The following TMEM92 variants were observed in gnomAD, a reference collection of about 807,000 sequenced individuals.
The protein encoded by TMEM92 is transmembrane protein 92.
In TMEM92, 15 loss-of-function variants were observed where a neutral mutation model predicts 14.6. The ratio of observed to expected loss-of-function variants is 1.03; its 90% CI spans 0.69 to 1.58. The LOEUF is 1.58. Ranked by LOEUF, TMEM92 falls within the 40% of genes most tolerant of loss-of-function variation. The probability of loss-of-function intolerance (pLI) is 0.00; values close to 1 mark genes in which losing one functional copy is unlikely to be tolerated. For missense variants in TMEM92, 174 were observed against 202.4 expected (o/e 0.86, Z 0.85); for synonymous variants, 85 against 83.3 (o/e 1.02, Z -0.11).
Position 50,278,968 on chromosome 17 carries a change from T to C in TMEM92, c.338T>C (p.Leu113Pro), listed in dbSNP as rs767790935. The part of the protein sequence containing the change: ...IIPPERVRVS[L>P]SAPPPPYSEV... ...CCCCCAGAGAGGGTCAGAGTATCCC[T>C]TTCTGCGCCCCCACCCCCCTACAGT... The change falls in exon 4 of 5, where the codon CTT becomes CCT. Residue 113 changes from leucine (L) to proline (P), a missense_variant. Leu to Pro is a moderately conservative substitution (Grantham distance 98). Coordinates refer to ENST00000507382, the MANE Select transcript of TMEM92 (RefSeq NM_153229.3). 6.2e-7 allele frequency: 1 copy of C among 1,609,078 alleles called. No individual in the cohort carries two copies. Among genetic ancestry groups the C allele is most frequent in the Admixed American group, 1.7e-5 (1 of 59,224 alleles).
rs368392137 is a variant in TMEM92 at position 50,279,327 on chromosome 17, T to C, written c.*19T>C. On this transcript the variant is annotated 3_prime_UTR_variant, in exon 5 of 5. Transcript: ENST00000507382. ...CTTCTGAGTCACCTCCTGCCTGGAATCTTGCCATCAGCAACCTCCTCCCCA... is the reference window on the plus strand; with the variant it reads ...CTTCTGAGTCACCTCCTGCCTGGAACCTTGCCATCAGCAACCTCCTCCCCA... 32 of 1,609,174 alleles carry C rather than the reference T, an allele frequency of 2.0e-5. No homozygotes were observed. The highest frequency in any genetic ancestry group is 1.5e-4 in the African/African-American group (11 of 74,912).
At chr17:50,278,528 C>G (rs187097149) in intron 2 of TMEM92, 28 bp from the exon 3 acceptor site, 285 of 1,612,792 alleles carry the variant, frequency 1.8e-4, no homozygotes, top group Non-Finnish European at 1.6e-4. Flanking sequence ...GCAACTTCTC[C>G]TTGCCCTTTT....
At chr17:50,276,466 A>C (rs1009846605) in intron 1 of TMEM92, among the ~76,000 whole-genome samples, 1 of 152,232 alleles carries the variant, frequency 6.6e-6, no homozygotes, top group African/African-American at 2.4e-5. Context: ...CTTATTGGCT[A>C]TCACTGGTAT....
intron 1 of TMEM92, 64 bp downstream of exon 1, chr17:50,274,634 T>G: frequency 7.0e-7 from 1 of 1,435,440 alleles, no homozygotes; most frequent in Non-Finnish European, 9.6e-7. Flanking sequence ...GGAGCCTGCT[T>G]CTGGAGCCTG....
chr17:50,274,571 G>A lies in TMEM92; in HGVS notation c.69+1G>A. 1 of 1,613,302 alleles carries A rather than the reference G, an allele frequency of 6.2e-7. No homozygotes were observed. Reference sequence around the variant, plus strand: ...CAGCCTGCTGGCTGGCCCCCAAAAGGTGAGACTGGGAGGTAAGGTTGTTGA... The same window carrying A: ...CAGCCTGCTGGCTGGCCCCCAAAAGATGAGACTGGGAGGTAAGGTTGTTGA... On this transcript the variant is annotated splice_donor_variant, in intron 1 of 4. Transcript: ENST00000507382. LOFTEE classifies it high-confidence loss of function.
rs1910614344 is a variant in TMEM92, at chr17:50,281,350, G to C, written c.*2042G>C. 1.3e-5 allele frequency: 2 copies of C among 152,134 alleles called. No homozygotes were observed. Among genetic ancestry groups the C allele is most frequent in the African/African-American group, 4.8e-5 (2 of 41,422 alleles). 9.4% of individuals were successfully genotyped at this position (152,134 alleles called of 1,614,324 possible). A position where few individuals can be genotyped will look rare whatever the true frequency, so the allele number is the denominator to read the frequency against. The stretch of plus-strand genomic sequence containing the variant: ...TAAAATGTAAAATGCACGTGACCTG[G>C]CAATTCCACTTCTAGAAATGAGCCT... On this transcript the variant is annotated 3_prime_UTR_variant, in exon 5 of 5. Coordinates refer to ENST00000507382, the MANE Select transcript of TMEM92 (RefSeq NM_153229.3).
intron 1 of TMEM92, 108 bp downstream of exon 1, chr17:50,274,678 A>G: frequency 1.0e-6 from 1 of 980,972 alleles, no homozygotes; most frequent in Non-Finnish European, 1.5e-6. Flanking sequence ...TTTCCTCCTG[A>G]CCACACACAG....
chr17:50,275,243 C>T (rs1910390114), intron 1 of TMEM92, among the ~76,000 whole-genome samples: 1 of 151,904 alleles, frequency 6.6e-6, no homozygotes, highest in South Asian at 2.1e-4. Flanking sequence ...GGAACAGAGA[C>T]GGGTCTAGAA....
In TMEM92 at chr17:50,281,253, T is replaced by G. The variant is rs1910610338; in HGVS notation, c.*1945T>G. On this transcript the variant is annotated 3_prime_UTR_variant, in exon 5 of 5. Transcript: ENST00000507382. Reference sequence around the variant, plus strand: ...CTTTCTAGAGGGCCATCTGGCACCATGTAATCACGCCACAGATCTTTACGA... The same window carrying G: ...CTTTCTAGAGGGCCATCTGGCACCAGGTAATCACGCCACAGATCTTTACGA... The G allele has an allele frequency of 6.6e-6, 1 of 152,170 alleles. No individual in the cohort carries two copies. Among genetic ancestry groups the G allele is most frequent in the Non-Finnish European group, 1.5e-5 (1 of 68,022 alleles). 9.4% of individuals were successfully genotyped at this position (152,170 alleles called of 1,614,324 possible).
rs1969513 is a variant in TMEM92 at position 50,279,939 on chromosome 17, A to C, written c.*631A>C. On this transcript the variant is annotated 3_prime_UTR_variant, in exon 5 of 5. Coordinates refer to ENST00000507382, the MANE Select transcript of TMEM92 (RefSeq NM_153229.3). ...TGAGCCACCTGGGAGGTCTGGGAGG[A>C]CAGTCCATCCATGGGCCGCCCTCGG... 48,145 of 153,370 alleles carry C rather than the reference A, an allele frequency of 0.31. 10,806 individuals are homozygous for C. Among genetic ancestry groups the C allele is most frequent in the African/African-American group, 0.62 (25,851 of 41,414 alleles). The allele number at this position is 153,370 out of a possible 1,614,324, so 9.5% of individuals were successfully genotyped here.
chr17:50,279,111 C>A, intron 4 of TMEM92, 84 bp from the exon 5 acceptor site: 1 of 1,483,490 alleles, frequency 6.7e-7, no homozygotes, highest in Non-Finnish European at 9.4e-7. Context: ...CACCCCTCTC[C>A]CTGGTAACCA....
chr17:50,273,568 C>A (rs1464651107), upstream of TMEM92, among the ~76,000 whole-genome samples: 2 of 152,248 alleles, frequency 1.3e-5, no homozygotes, highest in African/African-American at 4.8e-5. Context: ...AATGCACCAA[C>A]ACCTCCTGTA....
intron 1 of TMEM92, among the ~76,000 whole-genome samples, chr17:50,277,059 G>A (rs1881144): frequency 0.66 from 100,755 of 151,980 alleles, 33,798 homozygotes; most frequent in African/African-American, 0.78. Flanking sequence ...CTGCAGACCT[G>A]GTACAGAAGA....
chr17:50,274,511 G>T lies in TMEM92; in HGVS notation c.10G>T (p.Ala4Ser). 6.2e-7 allele frequency: 1 copy of T among 1,613,938 alleles called. No individual in the cohort carries two copies. The highest frequency in any genetic ancestry group is 8.5e-7 in the Non-Finnish European group (1 of 1,179,926). The change falls in exon 1 of 5, where the codon GCT becomes TCT. Residue 4 changes from alanine (A) to serine (S), a missense_variant. Coordinates refer to ENST00000507382, the MANE Select transcript of TMEM92 (RefSeq NM_153229.3). The stretch of plus-strand genomic sequence containing the variant: ...TGGCCCCCAAGCCAGGATGTCCCAA[G>T]CTTGGGTCCCCGGCCTCGCGCCCAC... MSQ[A>S]WVPGLAPTLL...
chr17:50,279,035 G>A lies in TMEM92; in HGVS notation c.366+39G>A, dbSNP rs201453431. ...CCCCATCCCCACCTTGCCTCTGGCC[G>A]GCTGTGCAGCAGAGACAGTGGAGGG... On this transcript the variant is annotated intron_variant, in intron 4 of 4. Coordinates refer to ENST00000507382, the MANE Select transcript of TMEM92 (RefSeq NM_153229.3). 37 of 1,488,498 alleles carry A rather than the reference G, an allele frequency of 2.5e-5. No homozygotes were observed. The East Asian group carries it at 2.5e-4, about 10-fold the overall frequency. The allele number at this position is 1,488,498 out of a possible 1,614,324, so 92.2% of individuals were successfully genotyped here. A position where few individuals can be genotyped will look rare whatever the true frequency, so the allele number is the denominator to read the frequency against.
intron 1 of TMEM92, chr17:50,274,860 C>T (rs1219460226): frequency 2.2e-6 from 1 of 455,030 alleles, no homozygotes; most frequent in Admixed American, 4.1e-5. Context: ...GACTTTGGAC[C>T]CCTTATTAGC....
intron 1 of TMEM92, among the ~76,000 whole-genome samples, chr17:50,277,233 G>A (rs1241296325): frequency 6.6e-6 from 1 of 152,154 alleles, no homozygotes; most frequent in East Asian, 1.9e-4. Context: ...AAAGAACTAG[G>A]GGAAGCGAAA....
rs368522824 is a variant in TMEM92 at position 50,279,241 on chromosome 17, C to G, written c.413C>G (p.Pro138Arg). ...SLGPTPTEPP[P>R]PYSFRPEEYT... ...GGCCCAACTCCCACAGAGCCACCCC[C>G]TCCCTACAGCTTCAGGCCTGAAGAA... Residue 138 changes from proline (P) to arginine (R), a missense_variant, in exon 5 of 5, where the codon CCT (proline) becomes CGT (arginine). Transcript: ENST00000507382. The G allele has an allele frequency of 6.2e-7, 1 of 1,613,918 alleles. No homozygotes were observed. The highest frequency in any genetic ancestry group is 8.5e-7 in the Non-Finnish European group (1 of 1,179,898).
upstream of TMEM92, among the ~76,000 whole-genome samples, chr17:50,273,259 C>G (rs1358690883): frequency 1.3e-5 from 2 of 152,194 alleles, no homozygotes; most frequent in African/African-American, 2.4e-5. Flanking sequence ...CCCAGCGCCC[C>G]CAGCCCACAA....
Sources: allele counts gnomAD v4.1 joint callset (sites outside exome capture counted in the v4.1 genomes callset), GRCh38; gene constraint gnomAD v4.1.1; transcripts MANE v1.5; gene names NCBI Gene and HGNC (gene_info 2026-07-23, HGNC 2026-07-21).